IRAK3: variants seen among roughly 807,000 people sequenced by gnomAD.
The protein encoded by IRAK3 is interleukin 1 receptor associated kinase 3.
In IRAK3, 57 loss-of-function variants were observed where a neutral mutation model predicts 56.6. That is an observed-to-expected ratio of 1.01 (90% confidence interval 0.81 to 1.26). The LOEUF is 1.26. Among genes scored for constraint, IRAK3 ranks in the 50% most tolerant of loss-of-function variants. The probability of loss-of-function intolerance (pLI) is 0.00; values close to 1 mark genes in which losing one functional copy is unlikely to be tolerated. For missense variants in IRAK3, 703 were observed against 719.0 expected (o/e 0.98, Z 0.25); for synonymous variants, 258 against 255.7 (o/e 1.01, Z -0.09).
At chr12:66,209,621 G>T in intron 3 of IRAK3, 101 bp downstream of exon 3, 1 of 785,840 alleles carries the variant, frequency 1.3e-6, no homozygotes. Flanking sequence ...GGATTTGCCG[G>T]CACTTTTTAA....
At chr12:66,215,984 A>G (rs1468295968) in intron 5 of IRAK3, among the ~76,000 whole-genome samples, 1 of 152,060 alleles carries the variant, frequency 6.6e-6, no homozygotes, top group Non-Finnish European at 1.5e-5. Context: ...TGCTTCTCTA[A>G]CTTTAATCAC....
At chr12:66,219,044 G>A (rs565402514) in intron 6 of IRAK3, among the ~76,000 whole-genome samples, 4 of 147,618 alleles carry the variant, frequency 2.7e-5, no homozygotes, top group South Asian at 2.1e-4. Context: ...GTGTGTGTGT[G>A]TGTGTATGTG....
intron 5 of IRAK3, among the ~76,000 whole-genome samples, chr12:66,212,052 A>T (rs951481105): frequency 4.6e-5 from 7 of 150,986 alleles, no homozygotes; most frequent in African/African-American, 1.5e-4. Context: ...AAGAGGCTGC[A>T]GTGAGCCAAG....
Position 66,244,685 on chromosome 12 carries a change from G to T in IRAK3, c.1086+1G>T, listed in dbSNP as rs1450638491. 1 of 1,610,426 alleles carries T rather than the reference G, an allele frequency of 6.2e-7. No homozygotes were observed. Among genetic ancestry groups the T allele is most frequent in the Non-Finnish European group, 8.5e-7 (1 of 1,176,770 alleles). ...AACAGATGTCTACAGCTTTGGAATT[G>T]TGAGTACCAACTGCCAGTTAACAAA... On this transcript the variant is annotated splice_donor_variant, in intron 9 of 11. Transcript: ENST00000261233. LOFTEE classifies it high-confidence loss of function.
chr12:66,240,819 C>CAT (rs143209220), intron 8 of IRAK3, among the ~76,000 whole-genome samples: 1,795 of 147,034 alleles, frequency 0.012, 21 homozygotes, highest in Non-Finnish European at 0.019. Flanking sequence ...TATATACCCA[C>CAT]ATATATATAT....
intron 8 of IRAK3, among the ~76,000 whole-genome samples, chr12:66,240,806 A>C (rs1424490262): frequency 6.7e-6 from 1 of 148,918 alleles, no homozygotes; most frequent in Non-Finnish European, 1.5e-5. Context: ...TATATATACT[A>C]TATATATACC....
chr12:66,193,297 G>A lies in IRAK3; in HGVS notation c.133+3865G>A, dbSNP rs188674212. The stretch of plus-strand genomic sequence containing the variant: ...TAAAGTGCTGGGATTACAGGCGTGA[G>A]CCACCGCGCCTGGCCTAGATGTATT... On this transcript the variant is annotated intron_variant, in intron 1 of 11. Transcript: ENST00000261233. Among the ~76,000 whole-genome samples, 7 of 152,228 alleles carry A rather than the reference G, an allele frequency of 4.6e-5. No individual in the cohort carries two copies. The East Asian group carries it at 1.4e-3, about 29-fold the overall frequency.
chr12:66,245,325 A>T, intron 11 of IRAK3, 63 bp downstream of exon 11: 3 of 1,517,948 alleles, frequency 2.0e-6, no homozygotes, highest in Non-Finnish European at 2.7e-6. Flanking sequence ...TCTAAACTAG[A>T]TAAATTGTGT....
In IRAK3 at chr12:66,209,463, G is replaced by A. The variant is rs1592582662; in HGVS notation, c.324G>A (p.Val108=). ...AIHLITNYGA[V]LSPSEKSYQE... Reference sequence around the variant, plus strand: ...CCCATATTTCTCTTTCAGGAGCAGTGTTGAGTCCTTCAGAGAAGAGTTATC... The same window carrying A: ...CCCATATTTCTCTTTCAGGAGCAGTATTGAGTCCTTCAGAGAAGAGTTATC... Residue 108 remains valine (V), a synonymous_variant, in exon 3 of 12, where the codon GTG becomes GTA. Transcript: ENST00000261233. The A allele has an allele frequency of 3.8e-5, 61 of 1,603,470 alleles. No homozygotes were observed. In the East Asian group the frequency reaches 1.3e-3, roughly 35 times the overall value.
intron 11 of IRAK3, 37 bp downstream of exon 11, chr12:66,245,299 A>G: frequency 6.2e-7 from 1 of 1,605,126 alleles, no homozygotes; most frequent in Non-Finnish European, 8.5e-7. Context: ...AACTGAGCCC[A>G]CAGAACCATG....
At chr12:66,245,821 G>T (rs982565391) in intron 11 of IRAK3, among the ~76,000 whole-genome samples, 3 of 151,918 alleles carry the variant, frequency 2.0e-5, no homozygotes, top group African/African-American at 7.3e-5. Context: ...AAGAGATCTG[G>T]CTCATTATAA....
chr12:66,239,308 T>TA (rs1411634086), intron 8 of IRAK3, among the ~76,000 whole-genome samples: 1 of 151,768 alleles, frequency 6.6e-6, no homozygotes, highest in Non-Finnish European at 1.5e-5. Flanking sequence ...ACTTTTTTTT[T>TA]TTTTTAATGG....
intron 6 of IRAK3, among the ~76,000 whole-genome samples, chr12:66,224,059 C>G (rs2052762416): frequency 6.6e-6 from 1 of 152,038 alleles, no homozygotes; most frequent in African/African-American, 2.4e-5. Flanking sequence ...ATAGATTAAT[C>G]TGGAGATATT....
chr12:66,223,847 G>T (rs2052760442), intron 6 of IRAK3, among the ~76,000 whole-genome samples: 1 of 150,868 alleles, frequency 6.6e-6, no homozygotes. Context: ...CCGAGTAGCT[G>T]GGCAAAAACC....
chr12:66,204,702 C>T (rs1485301907), intron 2 of IRAK3, among the ~76,000 whole-genome samples: 2 of 151,668 alleles, frequency 1.3e-5, no homozygotes, highest in African/African-American at 2.4e-5. Context: ...TGGCTCTTTT[C>T]ATAGATCGCA....
chr12:66,224,652 C>T (rs1258521056), intron 6 of IRAK3, among the ~76,000 whole-genome samples: 1 of 152,066 alleles, frequency 6.6e-6, no homozygotes, highest in Admixed American at 6.6e-5. Flanking sequence ...TGGCTTTTGG[C>T]TTAACCTTTT....
intron 6 of IRAK3, among the ~76,000 whole-genome samples, chr12:66,219,243 C>T (rs2052707712): frequency 6.6e-6 from 1 of 152,018 alleles, no homozygotes; most frequent in African/African-American, 2.4e-5. Flanking sequence ...GTGTCCCCAC[C>T]CAAATCTCAT....
chr12:66,228,624 A>T (rs1364189913), intron 8 of IRAK3, among the ~76,000 whole-genome samples: 2 of 152,260 alleles, frequency 1.3e-5, no homozygotes, highest in Non-Finnish European at 2.9e-5. Flanking sequence ...AATGTAGGAT[A>T]GACAATTCTG....
chr12:66,217,085 A>C (rs2052684128), intron 5 of IRAK3, 86 bp from the exon 6 acceptor site: 1 of 939,492 alleles, frequency 1.1e-6, no homozygotes, highest in Non-Finnish European at 1.8e-6. Flanking sequence ...AAGTTCATCT[A>C]ATTTAGGGAG....
Sources: allele counts gnomAD v4.1 joint callset (sites outside exome capture counted in the v4.1 genomes callset), GRCh38; gene constraint gnomAD v4.1.1; transcripts MANE v1.5; gene names NCBI Gene and HGNC (gene_info 2026-07-23, HGNC 2026-07-21).